OR9Q1: variants seen among roughly 807,000 people sequenced by gnomAD.
OR9Q1 encodes the protein olfactory receptor family 9 subfamily Q member 1, also known as olfactory receptor 9Q1.
For synonymous variants in OR9Q1, 153 were observed against 148.6 expected, an observed-to-expected ratio of 1.03 and a Z score of -0.22; for missense variants, 374 against 378.8, an observed-to-expected ratio of 0.99 and a Z score of 0.11.
At chr11:58,132,428 T>C (rs1854149940) in intron 2 of OR9Q1, among the ~76,000 whole-genome samples, 1 of 152,190 alleles carries the variant, frequency 6.6e-6, no homozygotes, top group Non-Finnish European at 1.5e-5. Context: ...GTTTCCTCAG[T>C]TGAGGCATAG....
intron 2 of OR9Q1, among the ~76,000 whole-genome samples, chr11:58,075,928 A>C (rs962103384): frequency 2.6e-5 from 4 of 152,216 alleles, no homozygotes; most frequent in Non-Finnish European, 5.9e-5. Flanking sequence ...CTGGATATGC[A>C]TTAACTCAGG....
intron 1 of OR9Q1, chr11:58,031,236 A>G (rs759571152): frequency 6.2e-7 from 1 of 1,614,050 alleles, no homozygotes; most frequent in African/African-American, 1.3e-5. Flanking sequence ...GGTGGCAAGA[A>G]TATCTCTTAT....
At position 58,045,721 on chromosome 11, in the gene OR9Q1, G is replaced by C. The variant is rs185933178; in HGVS notation, c.-92-10149G>C. ...CAAATCCCTTTGTTTATATTTAAGG[G>C]ACTAATTTTCCCCTAGCCCCAACAG... On this transcript the variant is annotated intron_variant, in intron 1 of 2. Transcript: ENST00000335397. 4.3e-4 allele frequency among the ~76,000 whole-genome samples: 66 copies of C among 152,190 alleles called. 1 individual carries two copies. Among genetic ancestry groups the C allele is most frequent in the Admixed American group, 3.7e-3 (57 of 15,282 alleles).
intron 2 of OR9Q1, among the ~76,000 whole-genome samples, chr11:58,135,783 G>T (rs1175180394): frequency 6.6e-6 from 1 of 152,160 alleles, no homozygotes; most frequent in African/African-American, 2.4e-5. Flanking sequence ...AAGTGGATTA[G>T]TTTTTTGAGC....
At chr11:58,066,986 G>A (rs1853436008) in intron 2 of OR9Q1, among the ~76,000 whole-genome samples, 1 of 152,094 alleles carries the variant, frequency 6.6e-6, no homozygotes, top group Non-Finnish European at 1.5e-5. Context: ...CACAGGCTAA[G>A]GGAGGGCTGG....
intron 1 of OR9Q1, among the ~76,000 whole-genome samples, chr11:58,053,514 G>A (rs1853289848): frequency 7.0e-6 from 1 of 142,492 alleles, no homozygotes; most frequent in Non-Finnish European, 1.5e-5. Context: ...CGAGTTAATG[G>A]GTGCAGCACA....
chr11:58,130,557 C>T (rs144120208), intron 2 of OR9Q1, among the ~76,000 whole-genome samples: 14 of 152,066 alleles, frequency 9.2e-5, no homozygotes, highest in African/African-American at 2.4e-4. Flanking sequence ...TTTGGGAAGC[C>T]GAGGTGGATG....
At chr11:58,050,647 CAG>C (rs1485601833) in intron 1 of OR9Q1, among the ~76,000 whole-genome samples, 2 of 127,530 alleles carry the variant, frequency 1.6e-5, no homozygotes, top group Non-Finnish European at 3.4e-5. Context: ...AAACTACCGT[CAG>C]AGTGAACAGG....
intron 2 of OR9Q1, among the ~76,000 whole-genome samples, chr11:58,066,523 T>C (rs1421827398): frequency 3.9e-5 from 6 of 152,128 alleles, no homozygotes; most frequent in African/African-American, 1.4e-4. Context: ...CTCTCAGCCT[T>C]TGCCTTACAT....
At chr11:58,166,832 T>G (rs1854509765) in intron 2 of OR9Q1, among the ~76,000 whole-genome samples, 1 of 151,732 alleles carries the variant, frequency 6.6e-6, no homozygotes, top group Non-Finnish European at 1.5e-5. Flanking sequence ...GAGTAGGGGG[T>G]GGGAGGACAG....
At chr11:58,035,010 T>C (rs1218953021) in intron 1 of OR9Q1, among the ~76,000 whole-genome samples, 1 of 151,924 alleles carries the variant, frequency 6.6e-6, no homozygotes, top group Non-Finnish European at 1.5e-5. Context: ...AAATTTCTTG[T>C]AGAGATGGGT....
At chr11:58,031,000 G>C in intron 1 of OR9Q1, 1 of 1,614,144 alleles carries the variant, frequency 6.2e-7, no homozygotes, top group Non-Finnish European at 8.5e-7. Context: ...AATTTGTCAT[G>C]ATGGGCTTTG....
intron 2 of OR9Q1, among the ~76,000 whole-genome samples, chr11:58,110,806 C>T (rs187736180): frequency 2.2e-3 from 337 of 152,256 alleles, no homozygotes; most frequent in Non-Finnish European, 4.1e-3. Flanking sequence ...TGATTATTCC[C>T]TTTCTGGTAG....
intron 2 of OR9Q1, among the ~76,000 whole-genome samples, chr11:58,155,894 C>T (rs1379573354): frequency 6.8e-6 from 1 of 147,554 alleles, no homozygotes; most frequent in Non-Finnish European, 1.5e-5. Flanking sequence ...ATGGCCAAGT[C>T]TTGCTGTTCT....
Position 58,180,356 on chromosome 11 carries a change from C to T in OR9Q1, c.912C>T (p.Leu304=). The change falls in exon 3 of 3, where the codon CTC becomes CTT. Residue 304 remains leucine (L), a synonymous_variant. Coordinates refer to ENST00000335397, the MANE Select transcript of OR9Q1 (RefSeq NM_001005212.4). ...KEVKEALRKI[L]NRAKLS is the part of the protein sequence containing the mutation. Reference sequence around the variant, plus strand: ...TGAAGGAGGCCCTGAGAAAAATTCTCAATAGAGCCAAGTTGTCCTAACCAT... The same window carrying T: ...TGAAGGAGGCCCTGAGAAAAATTCTTAATAGAGCCAAGTTGTCCTAACCAT... 6.3e-7 allele frequency: 1 copy of T among 1,591,654 alleles called. No homozygotes were observed. The highest frequency in any genetic ancestry group is 1.1e-5 in the South Asian group (1 of 87,630).
intron 2 of OR9Q1, among the ~76,000 whole-genome samples, chr11:58,146,553 T>G (rs1395654857): frequency 1.3e-5 from 2 of 152,196 alleles, no homozygotes; most frequent in African/African-American, 2.4e-5. Context: ...GATTAGAACT[T>G]GGGATATAGA....
At chr11:58,154,623 A>G (rs1854388089) in intron 2 of OR9Q1, among the ~76,000 whole-genome samples, 1 of 152,222 alleles carries the variant, frequency 6.6e-6, no homozygotes, top group Admixed American at 6.5e-5. Context: ...TCCCAACACA[A>G]AGAAATGACA....
At chr11:58,037,811 T>C (rs1227400867) in intron 1 of OR9Q1, among the ~76,000 whole-genome samples, 1 of 141,356 alleles carries the variant, frequency 7.1e-6, no homozygotes, top group African/African-American at 2.6e-5. Context: ...CTCTGCCTTC[T>C]GGGTTCATGC....
intron 2 of OR9Q1, among the ~76,000 whole-genome samples, chr11:58,144,253 C>A (rs918770579): frequency 6.9e-6 from 1 of 145,522 alleles, no homozygotes; most frequent in Non-Finnish European, 1.5e-5. Flanking sequence ...TGTTCAATTC[C>A]CACCTATGAG....
Sources: gnomAD v4.1 joint callset for allele counts (sites outside exome capture counted in the v4.1 genomes callset) on GRCh38, gnomAD v4.1.1 for gene constraint, MANE v1.5 for transcripts, NCBI Gene and HGNC (gene_info 2026-07-23, HGNC 2026-07-21) for gene names.